SGCZ: variants seen among roughly 807,000 people sequenced by gnomAD.
SGCZ encodes the protein zeta-sarcoglycan.
SGCZ carries 40 observed loss-of-function variants against 41.3 expected under a neutral mutation model. The observed-to-expected ratio is 0.97, with a 90% CI of 0.75 to 1.26. SGCZ has a LOEUF of 1.26. Among genes scored for constraint, SGCZ ranks in the 50% most tolerant of loss-of-function variants. The pLI is 0.00. For missense variants in SGCZ, 552 were observed against 369.8 expected (o/e 1.49, Z -4.04); for synonymous variants, 206 against 137.5 (o/e 1.50, Z -3.49).
At chr8:14,270,751 A>G (rs536239149) in intron 3 of SGCZ, among the ~76,000 whole-genome samples, 43 of 152,314 alleles carry the variant, frequency 2.8e-4, no homozygotes, top group African/African-American at 9.9e-4. Flanking sequence ...AAACTGCGGT[A>G]TAGTATACAT....
At position 14,314,717 on chromosome 8, in the gene SGCZ, G is replaced by A. The variant is rs1432208307; in HGVS notation, c.336+9386C>T. On this transcript the variant is annotated intron_variant, in intron 3 of 7. Transcript: ENST00000382080. Reference sequence around the variant, plus strand: ...GGGCATATCTGAGCCACACAAATTTGCATAAAGATTTAATTTACTTATGTT... The same window carrying A: ...GGGCATATCTGAGCCACACAAATTTACATAAAGATTTAATTTACTTATGTT... Among the ~76,000 whole-genome samples the A allele has an allele frequency of 2.6e-5, 4 of 152,216 alleles. No homozygotes were observed. The East Asian group carries it at 7.7e-4, about 29-fold the overall frequency.
intron 1 of SGCZ, among the ~76,000 whole-genome samples, chr8:15,054,121 G>T (rs1804620575): frequency 6.6e-6 from 1 of 152,186 alleles, no homozygotes; most frequent in African/African-American, 2.4e-5. Context: ...ACATTCTCCA[G>T]ATATTGATAA....
chr8:14,442,324 G>A (rs1161419936), intron 2 of SGCZ, among the ~76,000 whole-genome samples: 1 of 152,112 alleles, frequency 6.6e-6, no homozygotes, highest in African/African-American at 2.4e-5. Context: ...GAGTTCCCTT[G>A]CACACACTCT....
intron 4 of SGCZ, among the ~76,000 whole-genome samples, chr8:14,173,205 T>C (rs912747412): frequency 2.0e-5 from 3 of 151,978 alleles, no homozygotes; most frequent in African/African-American, 7.2e-5. Flanking sequence ...GTTTATTCTT[T>C]CCTAAAATTA....
chr8:14,794,569 G>A (rs1351820722), intron 1 of SGCZ, among the ~76,000 whole-genome samples: 4 of 152,122 alleles, frequency 2.6e-5, no homozygotes, highest in African/African-American at 9.7e-5. Context: ...AACCAGCTCA[G>A]GAAGTGCAAC....
intron 1 of SGCZ, among the ~76,000 whole-genome samples, chr8:14,585,845 A>C (rs1268984855): frequency 6.6e-6 from 1 of 152,226 alleles, no homozygotes; most frequent in Non-Finnish European, 1.5e-5. Context: ...AACCATGAAC[A>C]CTCAAGAAGT....
intron 1 of SGCZ, among the ~76,000 whole-genome samples, chr8:15,102,265 T>C (rs1236996295): frequency 6.6e-6 from 1 of 152,198 alleles, no homozygotes; most frequent in African/African-American, 2.4e-5. Context: ...TGGAGGAACC[T>C]TCAATGCAGA....
At chr8:14,246,445 G>T (rs1799093228) in intron 3 of SGCZ, among the ~76,000 whole-genome samples, 1 of 151,762 alleles carries the variant, frequency 6.6e-6, no homozygotes, top group Non-Finnish European at 1.5e-5. Context: ...GGGGACTGTT[G>T]TGGGGTGGGG....
At chr8:15,007,550 C>T (rs1802651034) in intron 1 of SGCZ, among the ~76,000 whole-genome samples, 1 of 152,180 alleles carries the variant, frequency 6.6e-6, no homozygotes, top group Non-Finnish European at 1.5e-5. Flanking sequence ...TAACTCAAGG[C>T]ATATCTGTGT....
chr8:14,141,217 C>T (rs1004546624), intron 5 of SGCZ, among the ~76,000 whole-genome samples: 1 of 152,112 alleles, frequency 6.6e-6, no homozygotes, highest in Non-Finnish European at 1.5e-5. Context: ...ACCATAAAAA[C>T]CCTAGAAGGA....
chr8:14,297,606 A>T (rs541066183), intron 3 of SGCZ, among the ~76,000 whole-genome samples: 2 of 152,094 alleles, frequency 1.3e-5, no homozygotes, highest in South Asian at 2.1e-4. Flanking sequence ...ATAATAGGAG[A>T]TATTATAAAG....
At chr8:15,092,299 T>C (rs1012855157) in intron 1 of SGCZ, among the ~76,000 whole-genome samples, 2 of 152,216 alleles carry the variant, frequency 1.3e-5, no homozygotes, top group Non-Finnish European at 1.5e-5. Flanking sequence ...CTAGAATCAG[T>C]ACTACAGTAT....
At chr8:14,397,946 G>A (rs567354109) in intron 2 of SGCZ, among the ~76,000 whole-genome samples, 1 of 152,226 alleles carries the variant, frequency 6.6e-6, no homozygotes, top group South Asian at 2.1e-4. Flanking sequence ...ATTACAGGCA[G>A]CTAGACATTC....
intron 5 of SGCZ, among the ~76,000 whole-genome samples, chr8:14,150,595 T>C (rs891743660): frequency 2.6e-5 from 4 of 152,096 alleles, no homozygotes; most frequent in Non-Finnish European, 2.9e-5. Context: ...GTAAAACCAC[T>C]ATGGAGAACA....
At chr8:14,637,356 T>A (rs1248914010) in intron 1 of SGCZ, among the ~76,000 whole-genome samples, 3 of 151,756 alleles carry the variant, frequency 2.0e-5, no homozygotes, top group African/African-American at 7.3e-5. Context: ...GGAGTACACG[T>A]GCAGGTTTGT....
chr8:14,155,970 G>A (rs1358698449), intron 5 of SGCZ, among the ~76,000 whole-genome samples: 1 of 152,012 alleles, frequency 6.6e-6, no homozygotes, highest in Admixed American at 6.6e-5. Flanking sequence ...TCTAAACACA[G>A]AAAAGGTACA....
At chr8:14,643,165 A>T (rs548567282) in intron 1 of SGCZ, among the ~76,000 whole-genome samples, 5 of 151,812 alleles carry the variant, frequency 3.3e-5, no homozygotes, top group African/African-American at 1.2e-4. Context: ...GGGGAAAAAG[A>T]GTGGAAAGCA....
At chr8:14,175,242 C>T (rs941248854) in intron 4 of SGCZ, among the ~76,000 whole-genome samples, 2 of 151,702 alleles carry the variant, frequency 1.3e-5, no homozygotes, top group Non-Finnish European at 2.9e-5. Context: ...ACTAATAAAA[C>T]CTGAGAGAAC....
chr8:14,598,144 T>A lies in SGCZ; in HGVS notation c.40-43218A>T, dbSNP rs188707532. Among the ~76,000 whole-genome samples the A allele has an allele frequency of 1.0e-3, 155 of 152,270 alleles. 1 individual carries two copies. The highest frequency in any genetic ancestry group is 2.5e-3 in the Admixed American group (38 of 15,298). On this transcript the variant is annotated intron_variant, in intron 1 of 7. Coordinates refer to ENST00000382080, the MANE Select transcript of SGCZ (RefSeq NM_139167.4). ...GATAAAATGATTATTTCTTTACACT[T>A]GGAAGAAGGTTGAGAATTATCATTT... is the stretch of plus-strand genomic sequence containing the variant.
Sources: gnomAD v4.1 joint callset for allele counts (sites outside exome capture counted in the v4.1 genomes callset) on GRCh38, gnomAD v4.1.1 for gene constraint, MANE v1.5 for transcripts, NCBI Gene and HGNC (gene_info 2026-07-23, HGNC 2026-07-21) for gene names.